The following MYBL1 variants were observed in gnomAD, a reference collection of about 807,000 sequenced individuals.
MYBL1 encodes the protein myb-related protein A.
A neutral mutation model predicts 96.3 loss-of-function variants in MYBL1; 17 were observed. That is an observed-to-expected ratio of 0.18 (90% CI 0.12 to 0.26). The LOEUF (loss-of-function observed/expected upper bound fraction) is 0.26, where lower values mean the gene tolerates loss of function less well. MYBL1 is among the 10% of genes least tolerant of loss of function. MYBL1 has a pLI of 1.00. For missense variants in MYBL1, 701 were observed against 882.9 expected (o/e 0.79, Z 2.61); for synonymous variants, 282 against 292.7 (o/e 0.96, Z 0.37).
chr8:66,605,826 T>A (rs1810291243), intron 1 of MYBL1, among the ~76,000 whole-genome samples: 1 of 152,058 alleles, frequency 6.6e-6, no homozygotes, highest in South Asian at 2.1e-4. Context: ...AATAAATAAA[T>A]AAGTAAACTG....
chr8:66,593,838 A>G (rs1809746411), intron 6 of MYBL1, among the ~76,000 whole-genome samples: 1 of 152,186 alleles, frequency 6.6e-6, no homozygotes, highest in Non-Finnish European at 1.5e-5. Flanking sequence ...GGTGTTTTTA[A>G]AAGCCTTAAA....
chr8:66,567,109 C>G (rs1586547487), intron 12 of MYBL1, 117 bp from the exon 13 acceptor site: 1 of 612,682 alleles, frequency 1.6e-6, no homozygotes, highest in East Asian at 2.8e-5. Flanking sequence ...TCTCCTAGCC[C>G]CTATAGATAC....
At chr8:66,587,039 G>A (rs1809447406) in intron 8 of MYBL1, among the ~76,000 whole-genome samples, 1 of 152,112 alleles carries the variant, frequency 6.6e-6, no homozygotes, top group Non-Finnish European at 1.5e-5. Context: ...AGGAGAAGAA[G>A]GGGAGCCAAG....
intron 11 of MYBL1, 32 bp from the exon 12 acceptor site, chr8:66,572,628 T>C: frequency 9.1e-7 from 1 of 1,100,826 alleles, no homozygotes; most frequent in Non-Finnish European, 1.3e-6. Context: ...TATGTTATAG[T>C]CACGATCTGA....
Position 66,611,218 on chromosome 8 carries a change from A to G in MYBL1, c.20+1601T>C, listed in dbSNP as rs1586609507. 2.6e-5 allele frequency among the ~76,000 whole-genome samples: 4 copies of G among 152,348 alleles called. 1 individual carries two copies. The highest frequency in any genetic ancestry group is 2.6e-4 in the Admixed American group (4 of 15,302). ...ATTAGCCAAGAAACTGTTTCAAATA[A>G]GATTAACATCAATACTGATAAGTAG... On this transcript the variant is annotated intron_variant, in intron 1 of 15. Transcript: ENST00000522677.
chr8:66,607,320 C>G (rs1417963970), intron 1 of MYBL1, among the ~76,000 whole-genome samples: 1 of 152,168 alleles, frequency 6.6e-6, no homozygotes, highest in Non-Finnish European at 1.5e-5. Flanking sequence ...CTGCAGCTTT[C>G]TGTCCTATTT....
rs1808492172 is a variant in MYBL1, at chr8:66,566,109, T to TG, written c.2084dup (p.Asn696LysfsTer3). On this transcript the variant is annotated frameshift_variant, in exon 15 of 16. Transcript: ENST00000522677. LOFTEE classifies it high-confidence loss of function. ...TGACAACTTTGGAAGTGTTAGGGTT[T>TG]GGTTTCTTTTTAGTAAGTGTATATG... is the stretch of plus-strand genomic sequence containing the variant. 6.5e-7 allele frequency: 1 copy of TG among 1,544,104 alleles called. No individual in the cohort carries two copies. Among genetic ancestry groups the TG allele is most frequent in the African/African-American group, 1.4e-5 (1 of 72,922 alleles).
chr8:66,572,307 A>G (rs1484373170), intron 12 of MYBL1, among the ~76,000 whole-genome samples, 175 bp downstream of exon 12: 4 of 151,886 alleles, frequency 2.6e-5, no homozygotes, highest in Non-Finnish European at 5.9e-5. Flanking sequence ...GCGACAAAGT[A>G]AGACTCCGTC....
rs1426221402 is a variant in MYBL1 at position 66,566,734 on chromosome 8, T to C, written c.1900A>G (p.Lys634Glu). 5 of 1,610,580 alleles carry C rather than the reference T, an allele frequency of 3.1e-6. No individual in the cohort carries two copies. In the East Asian group the frequency reaches 1.1e-4, roughly 36 times the overall value. ...AACAGTTGAGTGCCTGATTCTTCTTTTTCCCAATTATCTAAGACTAGTGAT... is the reference window on the plus strand; with the variant it reads ...AACAGTTGAGTGCCTGATTCTTCTTCTTCCCAATTATCTAAGACTAGTGAT... Reference protein sequence around the residue: ...RKSLVLDNWEKEESGTQLLTE... With the variant: ...RKSLVLDNWEEEESGTQLLTE... The change falls in exon 14 of 16, where the codon AAA becomes GAA. Residue 634 changes from lysine (K) to glutamate (E), a missense_variant. Physicochemically the swap from Lys to Glu is moderately conservative, Grantham distance 56. Transcript: ENST00000522677.
chr8:66,598,864 T>C (rs1049749334), intron 4 of MYBL1, among the ~76,000 whole-genome samples, 186 bp downstream of exon 4: 2 of 152,178 alleles, frequency 1.3e-5, no homozygotes, highest in African/African-American at 4.8e-5. Context: ...TTATACTTGG[T>C]TTGACTCAAT....
At chr8:66,594,278 T>A (rs1809766880) in intron 6 of MYBL1, among the ~76,000 whole-genome samples, 1 of 152,196 alleles carries the variant, frequency 6.6e-6, no homozygotes, top group Non-Finnish European at 1.5e-5. Flanking sequence ...GAATACTCGA[T>A]TAGTACCACT....
rs762507397 is a variant in MYBL1 at position 66,567,007 on chromosome 8, A to T, written c.1729-15T>A. The T allele has an allele frequency of 2.5e-5, 39 of 1,569,238 alleles. No homozygotes were observed. The highest frequency in any genetic ancestry group is 1.7e-4 in the Middle Eastern group (1 of 5,970). On this transcript the variant is annotated splice_polypyrimidine_tract_variant and intron_variant, in intron 12 of 15. Coordinates refer to ENST00000522677, the MANE Select transcript of MYBL1 (RefSeq NM_001080416.4). ...AGTGGCTGGGACTAAATTGTTTTTT[A>T]AAATGTTGTAAAAAGTCATTTATAG...
chr8:66,605,996 C>T (rs559621910), intron 1 of MYBL1, among the ~76,000 whole-genome samples: 6 of 152,222 alleles, frequency 3.9e-5, no homozygotes, highest in Admixed American at 2.6e-4. Flanking sequence ...TCCCATTTCA[C>T]GGAATAGGAA....
At chr8:66,568,125 A>C (rs1808584304) in intron 12 of MYBL1, among the ~76,000 whole-genome samples, 1 of 152,088 alleles carries the variant, frequency 6.6e-6, no homozygotes, top group Non-Finnish European at 1.5e-5. Flanking sequence ...CAGCAAAGTT[A>C]GAGAGAATGG....
intron 1 of MYBL1, among the ~76,000 whole-genome samples, chr8:66,609,782 TAC>T (rs1810458037): frequency 6.6e-6 from 1 of 151,982 alleles, no homozygotes; most frequent in Non-Finnish European, 1.5e-5. Context: ...GAAACTACCT[TAC>T]AGACCATAAA....
In MYBL1 at chr8:66,578,426, C is replaced by G. The variant is rs1377315131; in HGVS notation, c.1101+1707G>C. 4.6e-5 allele frequency among the ~76,000 whole-genome samples: 7 copies of G among 152,082 alleles called. No homozygotes were observed. The East Asian group carries it at 7.7e-4, about 17-fold the overall frequency. The stretch of plus-strand genomic sequence containing the variant: ...CTATCAAAAAGTGGGCAAAGGATAT[C>G]AACAGACACTTCTCAAAAGAAGACA... On this transcript the variant is annotated intron_variant, in intron 9 of 15. Transcript: ENST00000522677.
chr8:66,601,658 A>C (rs1257340729), intron 3 of MYBL1, 40 bp downstream of exon 3: 1 of 1,197,382 alleles, frequency 8.4e-7, no homozygotes, highest in Admixed American at 2.4e-5. Flanking sequence ...CAATGCCTTA[A>C]ACCAGCCATG....
chr8:66,607,535 T>C lies in MYBL1; in HGVS notation c.21-5012A>G, dbSNP rs138223087. On this transcript the variant is annotated intron_variant, in intron 1 of 15. Transcript: ENST00000522677. ...TCTTCCAGCTTCACCAAGAGCTCTA[T>C]ATTCCAAAATTATCTCACTCCTTTC... Among the ~76,000 whole-genome samples the C allele has an allele frequency of 3.9e-5, 6 of 152,300 alleles. No homozygotes were observed. In the East Asian group the frequency reaches 5.8e-4, roughly 15 times the overall value.
chr8:66,583,159 A>G (rs553048509), intron 8 of MYBL1, among the ~76,000 whole-genome samples: 3 of 152,218 alleles, frequency 2.0e-5, no homozygotes, highest in East Asian at 1.9e-4. Context: ...TTGGACCACA[A>G]TGAAATAAAA....
Sources: gnomAD v4.1 joint callset for allele counts (sites outside exome capture counted in the v4.1 genomes callset) on GRCh38, gnomAD v4.1.1 for gene constraint, MANE v1.5 for transcripts, NCBI Gene and HGNC (gene_info 2026-07-23, HGNC 2026-07-21) for gene names.